Variants in SMCO2 observed in about 807,000 individuals in gnomAD.
SMCO2 encodes single-pass membrane and coiled-coil domain-containing protein 2.
A neutral mutation model predicts 29.5 loss-of-function variants in SMCO2; 25 were observed. That is an observed-to-expected ratio of 0.85 (90% CI 0.62 to 1.18). The LOEUF (loss-of-function observed/expected upper bound fraction) is 1.18. SMCO2 is among the 50% of genes most tolerant of loss of function. The probability of loss-of-function intolerance (pLI) is 0.00; values close to 1 mark genes in which losing one functional copy is unlikely to be tolerated. For missense variants in SMCO2, 348 were observed against 344.5 expected (o/e 1.01, Z -0.08); for synonymous variants, 117 against 123.3 (o/e 0.95, Z 0.34).
intron 7 of SMCO2, 112 bp downstream of exon 8, chr12:27,495,967 T>C (rs1592219902): frequency 8.9e-7 from 1 of 1,120,344 alleles, no homozygotes; most frequent in Non-Finnish European, 1.2e-6. Flanking sequence ...TTTATTTTCG[T>C]TTGTAAATTA....
the SMCO2 span, among the ~76,000 whole-genome samples, chr12:27,459,714 T>A: frequency 6.6e-6 from 1 of 152,240 alleles, no homozygotes; most frequent in Non-Finnish European, 1.5e-5. Context: ...GGGTATCATT[T>A]AGGGTGTGGG....
chr12:27,472,786 G>A lies in SMCO2; in HGVS notation c.145G>A (p.Glu49Lys), dbSNP rs370766363. 20 of 1,550,336 alleles carry A rather than the reference G, an allele frequency of 1.3e-5. No homozygotes were observed. In the African/African-American group the frequency reaches 2.6e-4, roughly 20 times the overall value. ...TTGTGTGGCTTGCAGTTTGCTAAAG[G>A]AAATTATCAAAGTGGACCACATCTT... The change falls in exon 3 of 8, where the codon GAA (glutamate) becomes AAA (lysine). Residue 49 changes from glutamate (E) to lysine (K), a missense_variant. Glu to Lys is a moderately conservative substitution (Grantham distance 56). Coordinates refer to ENST00000298876, the Ensembl canonical transcript of SMCO2.
chr12:27,452,513 A>G, the SMCO2 span, among the ~76,000 whole-genome samples: 1 of 152,204 alleles, frequency 6.6e-6, no homozygotes, highest in African/African-American at 2.4e-5. Flanking sequence ...TCGTTGAAAC[A>G]GAGTCTTGTT....
the SMCO2 span, among the ~76,000 whole-genome samples, chr12:27,435,580 G>GTCTCTCTCTCTCTT: frequency 7.6e-6 from 1 of 131,688 alleles, no homozygotes; most frequent in Non-Finnish European, 1.6e-5. Flanking sequence ...CTCTGTCTCT[G>GTCTCTCTCTCTCTT]TCTCTCTCTC....
At chr12:27,497,732 CAAAA>C (rs544348765) in intron 7 of SMCO2, 55 of 89,334 alleles carry the variant, frequency 6.2e-4, no homozygotes, top group South Asian at 1.5e-3. Flanking sequence ...GACCTGGTCT[CAAAA>C]AAAAAAAAAA....
chr12:27,494,288 A>T lies in SMCO2; in HGVS notation c.451-12A>T. 1 of 1,452,212 alleles carries T rather than the reference A, an allele frequency of 6.9e-7. No homozygotes were observed. Among genetic ancestry groups the T allele is most frequent in the Non-Finnish European group, 9.1e-7 (1 of 1,094,766 alleles). The allele number at this position is 1,452,212 out of a possible 1,614,324, so 90.0% of individuals were successfully genotyped here. On this transcript the variant is annotated splice_polypyrimidine_tract_variant and intron_variant, in intron 5 of 7. Transcript: ENST00000298876. ...AGTTTCATTTTACCCAGAATTGTGG[A>T]TGTGTTTTTAGGTGAATACTTGTAA...
chr12:27,502,066 G>A lies in SMCO2; in HGVS notation c.827G>A (p.Arg276Gln), dbSNP rs1943086503. The change falls in exon 8 of 8, where the codon CGG (arginine) becomes CAG (glutamine). Residue 276 changes from arginine to glutamine, a missense_variant. Transcript: ENST00000298876. ...GGGTGCCGCACCACATGGGACCTAC[G>A]GGAGATGAGAGAGCCTTTCTTGAAT... is the stretch of plus-strand genomic sequence containing the variant. The A allele has an allele frequency of 4.5e-6, 7 of 1,546,024 alleles. No individual in the cohort carries two copies. The highest frequency in any genetic ancestry group is 2.8e-5 in the African/African-American group (2 of 70,990).
chr12:27,480,950 G>C (rs556075097), intron 4 of SMCO2, among the ~76,000 whole-genome samples: 1 of 152,268 alleles, frequency 6.6e-6, no homozygotes, highest in South Asian at 2.1e-4. Context: ...AGAGACTCCT[G>C]GCTCTGGGAA....
intron 4 of SMCO2, among the ~76,000 whole-genome samples, chr12:27,478,023 G>T (rs1949605400): frequency 6.6e-6 from 1 of 152,044 alleles, no homozygotes; most frequent in South Asian, 2.1e-4. Flanking sequence ...TGGTGTAATA[G>T]TCACTTCTTC....
At chr12:27,495,710 G>A (rs988931407) in exon 7 of SMCO2, 10 of 1,510,028 alleles carry the variant, frequency 6.6e-6, no homozygotes, top group African/African-American at 1.4e-5. Flanking sequence ...ACTGCTGAGT[G>A]CAAAGCTAAG....
At chr12:27,427,914 C>G in the SMCO2 span, among the ~76,000 whole-genome samples, 91,763 of 151,966 alleles carry the variant, frequency 0.6, 28,405 homozygotes, top group Middle Eastern at 0.75. Flanking sequence ...AAAGATACTT[C>G]GGCAGGCAGA....
At chr12:27,432,212 G>A in the SMCO2 span, among the ~76,000 whole-genome samples, 2 of 152,116 alleles carry the variant, frequency 1.3e-5, no homozygotes, top group African/African-American at 2.4e-5. Context: ...TCCATAGGTT[G>A]TTTTTTCACT....
chr12:27,488,331 G>A, intron 4 of SMCO2, 129 bp from the exon 6 acceptor site: 2 of 492,990 alleles, frequency 4.1e-6, no homozygotes, highest in African/African-American at 4.0e-5. Flanking sequence ...ACTTCCCATT[G>A]CAATACAAGC....
chr12:27,478,949 G>A (rs745385966), intron 4 of SMCO2, among the ~76,000 whole-genome samples: 5 of 152,226 alleles, frequency 3.3e-5, no homozygotes, highest in Non-Finnish European at 5.9e-5. Flanking sequence ...GCCCTCAGAT[G>A]GCATGAATGA....
chr12:27,440,822 A>G, the SMCO2 span, among the ~76,000 whole-genome samples: 1 of 152,190 alleles, frequency 6.6e-6, no homozygotes, highest in African/African-American at 2.4e-5. Context: ...AACAATTTAA[A>G]ATATACTACT....
intron 1 of SMCO2, among the ~76,000 whole-genome samples, chr12:27,467,686 AC>A (rs1379192802): frequency 6.6e-6 from 1 of 152,148 alleles, no homozygotes; most frequent in East Asian, 1.9e-4. Flanking sequence ...TAGTAGGATG[AC>A]TGCAAAACTT....
intron 5 of SMCO2, among the ~76,000 whole-genome samples, chr12:27,492,428 T>C (rs1942929510): frequency 6.6e-6 from 1 of 152,226 alleles, no homozygotes; most frequent in Admixed American, 6.5e-5. Context: ...CTGGGCATGG[T>C]GGCTCATGCC....
the SMCO2 span, among the ~76,000 whole-genome samples, chr12:27,456,520 GCGATCC>G: frequency 6.6e-6 from 1 of 152,018 alleles, no homozygotes; most frequent in African/African-American, 2.4e-5. Context: ...CTGGGCTCAA[GCGATCC>G]TCCCACCTCA....
the SMCO2 span, among the ~76,000 whole-genome samples, chr12:27,452,860 T>C: frequency 6.6e-6 from 1 of 152,142 alleles, no homozygotes; most frequent in Non-Finnish European, 1.5e-5. Flanking sequence ...TGTATGGTGG[T>C]TCTCTTTTCA....
Sources: allele counts gnomAD v4.1 joint callset (sites outside exome capture counted in the v4.1 genomes callset), GRCh38; gene constraint gnomAD v4.1.1; transcripts MANE v1.5; gene names NCBI Gene and HGNC (gene_info 2026-07-23, HGNC 2026-07-21).